Variants in CACNB2 observed in about 807,000 individuals in gnomAD.
CACNB2 encodes the protein voltage-dependent L-type calcium channel subunit beta-2.
In CACNB2, 42 loss-of-function variants were observed where a neutral mutation model predicts 73.3. The ratio of observed to expected loss-of-function variants is 0.57; its 90% CI spans 0.45 to 0.74. The LOEUF (loss-of-function observed/expected upper bound fraction) is 0.74. Ranked by LOEUF, CACNB2 falls within the 30% of genes least tolerant of loss-of-function variation. The pLI is 0.00. For synonymous variants in CACNB2, 348 were observed against 310.3 expected (o/e 1.12, Z -1.28); for missense variants, 940 against 853.0 (o/e 1.10, Z -1.27).
chr10:18,482,158 G>A (rs1031493105), intron 3 of CACNB2, among the ~76,000 whole-genome samples: 1 of 151,988 alleles, frequency 6.6e-6, no homozygotes, highest in Non-Finnish European at 1.5e-5. Flanking sequence ...CCAAACTGTT[G>A]GGAATACAAG....
intron 3 of CACNB2, among the ~76,000 whole-genome samples, chr10:18,473,394 A>T (rs1454622952): frequency 6.6e-6 from 1 of 152,194 alleles, no homozygotes. Flanking sequence ...AAGTCTATAG[A>T]TTTATTACAG....
chr10:18,159,768 A>G (rs1382544493), intron 2 of CACNB2, among the ~76,000 whole-genome samples: 1 of 152,240 alleles, frequency 6.6e-6, no homozygotes, highest in Non-Finnish European at 1.5e-5. Flanking sequence ...GCGTAGACTG[A>G]TATGTTTAAG....
chr10:18,218,653 A>T (rs1237247590), intron 2 of CACNB2, among the ~76,000 whole-genome samples: 1 of 152,094 alleles, frequency 6.6e-6, no homozygotes. Context: ...GTGGATCATG[A>T]GGTCAGGAGA....
intron 3 of CACNB2, among the ~76,000 whole-genome samples, chr10:18,428,602 C>T (rs779759504): frequency 6.6e-6 from 1 of 151,318 alleles, no homozygotes; most frequent in Admixed American, 6.7e-5. Context: ...ATGAGAATCG[C>T]TTGAATTCAG....
rs71402148 is a variant in CACNB2, at chr10:18,150,855, C to CTTTTTTTTTTTTTTTTTTTTTTTTTTTT, written c.121-3_121-2insTTTTTTTTTTTTTTTTTTTTTTTTTTTT. ...AGGGTCTCATAATAATCTTATTTGT[C>CTTTTTTTTTTTTTTTTTTTTTTTTTTTT]TTTTTTTTTTTTTTTTTTTTTTTTT... On this transcript the variant is annotated intron_variant, in intron 1 of 13. Transcript: ENST00000324631. 99 of 484,676 alleles carry CTTTTTTTTTTTTTTTTTTTTTTTTTTTT rather than the reference C, an allele frequency of 2.0e-4. 10 individuals are homozygous for CTTTTTTTTTTTTTTTTTTTTTTTTTTTT. The highest frequency in any genetic ancestry group is 6.2e-4 in the East Asian group (11 of 17,774). The allele number at this position is 484,676 out of a possible 1,614,324, so 30.0% of individuals were successfully genotyped here.
chr10:18,307,060 G>A (rs1017175561), intron 2 of CACNB2, among the ~76,000 whole-genome samples: 1 of 151,744 alleles, frequency 6.6e-6, no homozygotes, highest in African/African-American at 2.4e-5. Context: ...GCAGGATTTT[G>A]TATTTCACAT....
Position 18,508,907 on chromosome 10 carries a change from T to C in CACNB2, c.670+2360T>C, listed in dbSNP as rs1265724919. ...GAGGTGCTGCATTTTGAAGAACAAG[T>C]TAGTATACATGTAAAATAACATTCC... On this transcript the variant is annotated intron_variant, in intron 6 of 13. Transcript: ENST00000324631. Among the ~76,000 whole-genome samples the C allele has an allele frequency of 7.2e-5, 11 of 152,202 alleles. No individual in the cohort carries two copies. The East Asian group carries it at 1.9e-3, about 27-fold the overall frequency.
chr10:18,492,267 G>A (rs531477259), intron 3 of CACNB2, among the ~76,000 whole-genome samples: 1 of 152,284 alleles, frequency 6.6e-6, no homozygotes, highest in Non-Finnish European at 1.5e-5. Flanking sequence ...TTCGACATGA[G>A]TCTGGCCAGG....
At chr10:18,458,250 TA>T (rs2047384190) in intron 3 of CACNB2, among the ~76,000 whole-genome samples, 1 of 152,208 alleles carries the variant, frequency 6.6e-6, no homozygotes, top group Non-Finnish European at 1.5e-5. Flanking sequence ...TAATTTAAGA[TA>T]AAAATAGTGA....
In CACNB2 at chr10:18,150,879, T is replaced by TTTTTTTTTTTTTTTTTTTTTTTTTTG. The variant is rs769211879; in HGVS notation, c.121-3_121-2insTTTTTTTTTTTTTTTTTTTTTTTTGT. 22 of 1,259,876 alleles carry TTTTTTTTTTTTTTTTTTTTTTTTTTG rather than the reference T, an allele frequency of 1.7e-5. 1 individual carries two copies. Among genetic ancestry groups the TTTTTTTTTTTTTTTTTTTTTTTTTTG allele is most frequent in the East Asian group, 7.6e-5 (3 of 39,624 alleles). The allele number at this position is 1,259,876 out of a possible 1,614,324, so 78.0% of individuals were successfully genotyped here. ...TCTTTTTTTTTTTTTTTTTTTTTTT[T>TTTTTTTTTTTTTTTTTTTTTTTTTTG]TAGTCATATGGAAAAGGAGCCAGAA... On this transcript the variant is annotated splice_polypyrimidine_tract_variant and splice_region_variant and intron_variant, in intron 1 of 13. Transcript: ENST00000324631.
intron 2 of CACNB2, among the ~76,000 whole-genome samples, chr10:18,333,361 T>G (rs1217289785): frequency 6.6e-6 from 1 of 152,124 alleles, no homozygotes; most frequent in African/African-American, 2.4e-5. Context: ...ACTACTTGCC[T>G]TAAATAGTAC....
intron 1 of CACNB2, among the ~76,000 whole-genome samples, chr10:18,141,654 G>A (rs1177746169): frequency 6.6e-6 from 1 of 150,558 alleles, no homozygotes; most frequent in Admixed American, 6.7e-5. Flanking sequence ...TAGGCGCTGG[G>A]CAATGACAAG....
At chr10:18,450,534 T>C (rs1254880135) in intron 3 of CACNB2, among the ~76,000 whole-genome samples, 52 of 152,052 alleles carry the variant, frequency 3.4e-4, no homozygotes, top group Admixed American at 3.4e-3. Context: ...GTGTTCCTTC[T>C]CACTGCTTCT....
chr10:18,457,274 G>C (rs947306724), intron 3 of CACNB2, among the ~76,000 whole-genome samples: 2 of 152,058 alleles, frequency 1.3e-5, no homozygotes, highest in Non-Finnish European at 2.9e-5. Flanking sequence ...ATTTTCTATA[G>C]AGACGGGACC....
chr10:18,498,479 TAA>T lies in CACNB2; in HGVS notation c.456+3_456+4del. 1 of 1,613,868 alleles carries T rather than the reference TAA, an allele frequency of 6.2e-7. No individual in the cohort carries two copies. Among genetic ancestry groups the T allele is most frequent in the Non-Finnish European group, 8.5e-7 (1 of 1,179,832 alleles). On this transcript the variant is annotated splice_donor_region_variant and intron_variant, in intron 4 of 13. Transcript: ENST00000324631. ...AAAGATTTTCTGCATGTTAAGGAAG[TAA>T]GGAGAATAATTTCATTTTCTAACAG...
intron 3 of CACNB2, among the ~76,000 whole-genome samples, chr10:18,415,597 A>G (rs1267523647): frequency 6.6e-6 from 1 of 152,140 alleles, no homozygotes; most frequent in Non-Finnish European, 1.5e-5. Context: ...ATAAGCCCCC[A>G]CTGTTAGTGA....
At chr10:18,442,224 A>G (rs2046443017) in intron 3 of CACNB2, among the ~76,000 whole-genome samples, 1 of 151,780 alleles carries the variant, frequency 6.6e-6, no homozygotes, top group South Asian at 2.1e-4. Flanking sequence ...ATCTCTACTC[A>G]CTGCAACCTC....
chr10:18,154,786 CA>C (rs1347714676), intron 2 of CACNB2, among the ~76,000 whole-genome samples: 1 of 152,052 alleles, frequency 6.6e-6, no homozygotes, highest in Non-Finnish European at 1.5e-5. Context: ...TTTAAGAAGA[CA>C]AAAAGAGAAT....
intron 3 of CACNB2, among the ~76,000 whole-genome samples, chr10:18,483,356 C>T (rs555829699): frequency 7.5e-4 from 114 of 151,572 alleles, no homozygotes; most frequent in Admixed American, 1.2e-3. Context: ...CATGGTGAAA[C>T]CCCGTTTCTA....
Sources: gnomAD v4.1 joint callset for allele counts (sites outside exome capture counted in the v4.1 genomes callset) on GRCh38, gnomAD v4.1.1 for gene constraint, MANE v1.5 for transcripts, NCBI Gene and HGNC (gene_info 2026-07-23, HGNC 2026-07-21) for gene names.